Variants in PDE1C observed in about 807,000 individuals in gnomAD.
PDE1C encodes the protein phosphodiesterase 1C.
Under a neutral mutation model 93.1 loss-of-function variants are expected in PDE1C, and 62 were observed. The observed-to-expected ratio is 0.67, with a 90% confidence interval of 0.54 to 0.82. The LOEUF is 0.82. Ranked by LOEUF, PDE1C falls within the 40% of genes least tolerant of loss-of-function variation. The pLI, the probability that PDE1C is intolerant of heterozygous loss-of-function variation, is 0.00. For missense variants in PDE1C, 742 were observed against 884.6 expected (o/e 0.84, Z 2.04); for synonymous variants, 325 against 310.1 (o/e 1.05, Z -0.50).
chr7:32,403,894 T>C (rs1785001141), intron 1 of PDE1C, among the ~76,000 whole-genome samples: 1 of 152,152 alleles, frequency 6.6e-6, no homozygotes, highest in South Asian at 2.1e-4. Context: ...AGTTCTTCTT[T>C]TTTCTTTTTT....
At chr7:31,898,345 A>G (rs975229143) in intron 2 of PDE1C, among the ~76,000 whole-genome samples, 4 of 152,120 alleles carry the variant, frequency 2.6e-5, no homozygotes, top group Non-Finnish European at 5.9e-5. Flanking sequence ...TATAATTATT[A>G]TATTGTATCA....
intron 3 of PDE1C, among the ~76,000 whole-genome samples, chr7:32,116,523 G>T (rs143987613): frequency 1.4e-4 from 22 of 152,212 alleles, no homozygotes; most frequent in Middle Eastern, 3.4e-3. Flanking sequence ...ATGGCAGGGG[G>T]CCTGCTCATA....
rs897021980 is a variant in PDE1C at position 32,304,896 on chromosome 7, G to A, written c.311-95357C>T. On this transcript the variant is annotated intron_variant, in intron 1 of 1. Coordinates refer to the PDE1C transcript ENST00000672256. ...CAATGTTATTATTTTTAACATCGTC[G>A]TCATCACTAGCATACTAGGTCCCTT... is the stretch of plus-strand genomic sequence containing the variant. 6.6e-5 allele frequency among the ~76,000 whole-genome samples: 10 copies of A among 151,948 alleles called. 1 individual carries two copies. Among genetic ancestry groups the A allele is most frequent in the South Asian group, 6.3e-4 (3 of 4,792 alleles).
At chr7:32,136,437 G>A (rs1425054382) in intron 3 of PDE1C, among the ~76,000 whole-genome samples, 3 of 152,020 alleles carry the variant, frequency 2.0e-5, no homozygotes, top group Non-Finnish European at 4.4e-5. Context: ...TTTTTAAAAG[G>A]AGACAGCATG....
intron 2 of PDE1C, among the ~76,000 whole-genome samples, chr7:31,887,187 G>C (rs966770783): frequency 6.6e-6 from 1 of 152,142 alleles, no homozygotes; most frequent in African/African-American, 2.4e-5. Context: ...AGAGTGATGC[G>C]TGAGTTTAGT....
At chr7:31,861,636 G>A (rs781560756) in intron 7 of PDE1C, among the ~76,000 whole-genome samples, 1 of 151,974 alleles carries the variant, frequency 6.6e-6, no homozygotes, top group Non-Finnish European at 1.5e-5. Context: ...CCTCTTTAAT[G>A]TTCCAAATCC....
intron 2 of PDE1C, among the ~76,000 whole-genome samples, chr7:31,891,258 C>T (rs559087877): frequency 5.9e-5 from 9 of 152,252 alleles, no homozygotes; most frequent in Admixed American, 2.0e-4. Flanking sequence ...CACCTAACTA[C>T]GTCTTTCCAA....
chr7:32,198,839 C>T (rs530205559), intron 2 of PDE1C, among the ~76,000 whole-genome samples: 2 of 152,220 alleles, frequency 1.3e-5, no homozygotes, highest in Admixed American at 6.5e-5. Flanking sequence ...GAAACTCAGC[C>T]GGGCGCAGTG....
intron 2 of PDE1C, among the ~76,000 whole-genome samples, chr7:32,179,265 C>CTTTT (rs3079597): frequency 3.0e-5 from 4 of 131,346 alleles, no homozygotes; most frequent in Admixed American, 1.6e-4. Flanking sequence ...CTGACTTAGT[C>CTTTT]TTTTTTTTTT....
rs58719690 is a variant in PDE1C, at chr7:32,128,954, A to AT, written c.308+40830_308+40831insA. On this transcript the variant is annotated intron_variant, in intron 3 of 18. Transcript: ENST00000396193. ...ATATATATATATATATATATATATA[A>AT]AGAAAAATCTAAAAAAAACAGAAAA... Among the ~76,000 whole-genome samples the AT allele has an allele frequency of 1.9e-3, 149 of 78,960 alleles. 10 individuals are homozygous for AT. Among genetic ancestry groups the AT allele is most frequent in the African/African-American group, 8.6e-3 (133 of 15,478 alleles). The allele number at this position is 78,960 out of a possible 152,430, so 51.8% of individuals were successfully genotyped here.
At chr7:32,284,523 A>G (rs1420558032) in intron 1 of PDE1C, among the ~76,000 whole-genome samples, 1 of 152,240 alleles carries the variant, frequency 6.6e-6, no homozygotes, top group Non-Finnish European at 1.5e-5. Context: ...TTCTTTATTA[A>G]GTCTTGACCA....
chr7:32,300,534 A>T (rs564237167), upstream of PDE1C, among the ~76,000 whole-genome samples: 14 of 152,302 alleles, frequency 9.2e-5, no homozygotes, highest in South Asian at 2.9e-3. Flanking sequence ...TGGGTCTGAA[A>T]GCTGGCTCCA....
At chr7:31,712,529 C>T in the PDE1C span, among the ~76,000 whole-genome samples, 2 of 152,186 alleles carry the variant, frequency 1.3e-5, no homozygotes, top group Non-Finnish European at 2.9e-5. Flanking sequence ...AAAACAGTTC[C>T]CTGTCCATCA....
chr7:31,897,900 A>G (rs1799504693), intron 2 of PDE1C, among the ~76,000 whole-genome samples: 1 of 152,136 alleles, frequency 6.6e-6, no homozygotes, highest in Non-Finnish European at 1.5e-5. Context: ...CAGAAAACCA[A>G]CAATAATTTG....
chr7:32,299,865 G>GAGTC (rs1812839396), upstream of PDE1C, among the ~76,000 whole-genome samples: 1 of 152,234 alleles, frequency 6.6e-6, no homozygotes, highest in African/African-American at 2.4e-5. Context: ...GACCAGAGCT[G>GAGTC]AGTCACACAG....
chr7:31,827,680 G>A (rs1298032029), intron 12 of PDE1C, among the ~76,000 whole-genome samples: 1 of 152,028 alleles, frequency 6.6e-6, no homozygotes, highest in Non-Finnish European at 1.5e-5. Flanking sequence ...CTCTTCAAAG[G>A]TGGAGATCAC....
intron 1 of PDE1C, among the ~76,000 whole-genome samples, chr7:32,401,599 T>C (rs187436979): frequency 1.0e-3 from 155 of 151,446 alleles, no homozygotes; most frequent in African/African-American, 3.5e-3. Flanking sequence ...AGGAAATAAA[T>C]AGAAACAGAT....
intron 15 of PDE1C, among the ~76,000 whole-genome samples, chr7:31,815,573 T>C (rs1385981616): frequency 6.6e-6 from 1 of 152,018 alleles, no homozygotes; most frequent in Non-Finnish European, 1.5e-5. Flanking sequence ...AGAGCGATGG[T>C]ATATATGGGA....
the PDE1C span, among the ~76,000 whole-genome samples, chr7:31,745,718 G>C: frequency 6.6e-6 from 1 of 152,206 alleles, no homozygotes; most frequent in Non-Finnish European, 1.5e-5. Context: ...TCAACAAGCA[G>C]CTCCATGTGA....
Sources: allele counts gnomAD v4.1 joint callset (sites outside exome capture counted in the v4.1 genomes callset), GRCh38; gene constraint gnomAD v4.1.1; transcripts MANE v1.5; gene names NCBI Gene and HGNC (gene_info 2026-07-23, HGNC 2026-07-21).